Variants in RAPGEF5 observed in about 807,000 individuals in gnomAD.
RAPGEF5 encodes M-Ras-regulated GEF.
A neutral mutation model predicts 125.2 loss-of-function variants in RAPGEF5; 65 were observed. That is an observed-to-expected ratio of 0.52 (90% CI 0.43 to 0.64). RAPGEF5 has a LOEUF of 0.64. RAPGEF5 is among the 30% of genes least tolerant of loss of function. The pLI, the probability that RAPGEF5 is intolerant of heterozygous loss-of-function variation, is 0.00. For missense variants in RAPGEF5, 958 were observed against 1,048.1 expected (o/e 0.91, Z 1.19); for synonymous variants, 391 against 385.9 (o/e 1.01, Z -0.16).
intron 23 of RAPGEF5, among the ~76,000 whole-genome samples, chr7:22,133,457 C>T (rs1246781995): frequency 6.6e-6 from 1 of 152,122 alleles, no homozygotes; most frequent in Non-Finnish European, 1.5e-5. Flanking sequence ...GAGAAATGAG[C>T]AACTGCCAGG....
intron 1 of RAPGEF5, among the ~76,000 whole-genome samples, chr7:22,354,569 C>T (rs778758552): frequency 1.3e-5 from 2 of 152,126 alleles, no homozygotes; most frequent in Non-Finnish European, 2.9e-5. Flanking sequence ...ATGCCCCCTA[C>T]AAAATTCTTA....
At chr7:22,286,846 T>A (rs534837129) in intron 6 of RAPGEF5, among the ~76,000 whole-genome samples, 1 of 152,348 alleles carries the variant, frequency 6.6e-6, no homozygotes, top group South Asian at 2.1e-4. Flanking sequence ...AGAATTCATG[T>A]TTAAAAATAA....
intron 21 of RAPGEF5, among the ~76,000 whole-genome samples, chr7:22,137,595 T>G (rs1783117963): frequency 6.6e-6 from 1 of 152,212 alleles, no homozygotes; most frequent in Non-Finnish European, 1.5e-5. Flanking sequence ...TTAACATGGC[T>G]AAGTAAAAAA....
intron 6 of RAPGEF5, among the ~76,000 whole-genome samples, chr7:22,269,371 CTA>C (rs1158921125): frequency 6.6e-6 from 1 of 151,956 alleles, no homozygotes; most frequent in African/African-American, 2.4e-5. Context: ...TGACTAATGC[CTA>C]TATTTTGGCT....
chr7:22,269,769 T>C (rs1410985799), intron 6 of RAPGEF5, among the ~76,000 whole-genome samples: 2 of 152,200 alleles, frequency 1.3e-5, no homozygotes, highest in Non-Finnish European at 2.9e-5. Context: ...GGAAAAGAAA[T>C]GTCATACTCC....
At chr7:22,229,117 A>C (rs1256125069) in intron 8 of RAPGEF5, among the ~76,000 whole-genome samples, 1 of 152,222 alleles carries the variant, frequency 6.6e-6, no homozygotes, top group East Asian at 1.9e-4. Context: ...ACATCCCTTA[A>C]GGAAGAAGGG....
At chr7:22,178,364 T>C (rs573939333) in intron 11 of RAPGEF5, among the ~76,000 whole-genome samples, 1 of 152,316 alleles carries the variant, frequency 6.6e-6, no homozygotes, top group Non-Finnish European at 1.5e-5. Flanking sequence ...ATTCTGACAC[T>C]ACCTGGAGAT....
chr7:22,162,343 T>C, intron 13 of RAPGEF5, 54 bp downstream of exon 13: 1 of 1,497,526 alleles, frequency 6.7e-7, no homozygotes, highest in East Asian at 2.3e-5. Context: ...AATGCATAAC[T>C]AAAAATAGAA....
Position 22,119,996 on chromosome 7 carries a change from T to C in RAPGEF5, c.*2410A>G, listed in dbSNP as rs1268349851. The C allele has an allele frequency of 6.6e-6, 1 of 152,178 alleles. No individual in the cohort carries two copies. Among genetic ancestry groups the C allele is most frequent in the African/African-American group, 2.4e-5 (1 of 41,438 alleles). 9.4% of individuals were successfully genotyped at this position (152,178 alleles called of 1,614,324 possible). A position where few individuals can be genotyped will look rare whatever the true frequency, so the allele number is the denominator to read the frequency against. Reference sequence around the variant, plus strand: ...CGGGCTTGAATTCTTTAATTCCAGATCTAAGATTCTGCAAAGCTTTGGAAA... The same window carrying C: ...CGGGCTTGAATTCTTTAATTCCAGACCTAAGATTCTGCAAAGCTTTGGAAA... On this transcript the variant is annotated 3_prime_UTR_variant, in exon 26 of 26. Transcript: ENST00000665637. This position sits in a 1 kb window ranked among gnomAD's most constrained non-coding sequence, Gnocchi z 4.1.
intron 11 of RAPGEF5, among the ~76,000 whole-genome samples, chr7:22,181,747 C>T (rs554310585): frequency 6.6e-6 from 1 of 151,834 alleles, no homozygotes; most frequent in African/African-American, 2.4e-5. Flanking sequence ...AAGTACAAGG[C>T]AAAAAAGCTG....
chr7:22,285,839 C>A (rs1782784004), intron 6 of RAPGEF5, among the ~76,000 whole-genome samples: 1 of 152,106 alleles, frequency 6.6e-6, no homozygotes, highest in Non-Finnish European at 1.5e-5. Context: ...TAGAAAACAC[C>A]ACTAAATGCA....
rs139552934 is a variant in RAPGEF5 at position 22,336,684 on chromosome 7, G to A, written c.232-18647C>T. Among the ~76,000 whole-genome samples the A allele has an allele frequency of 2.6e-3, 399 of 152,258 alleles. 3 individuals carry two copies. The highest frequency in any genetic ancestry group is 8.8e-3 in the African/African-American group (367 of 41,554). On this transcript the variant is annotated intron_variant, in intron 1 of 25. Coordinates refer to ENST00000665637, the MANE Select transcript of RAPGEF5 (RefSeq NM_012294.5). ...AAGTTCGTGCCATTTGCAGTGGGGA[G>A]GAGCCTGGCCCCTCCTCTTCCTGGG...
At chr7:22,194,967 T>C (rs184138724) in intron 9 of RAPGEF5, among the ~76,000 whole-genome samples, 25 of 152,336 alleles carry the variant, frequency 1.6e-4, no homozygotes, top group Non-Finnish European at 5.9e-5. Context: ...AGAAAGGAAC[T>C]ATAAGATGCA....
At chr7:22,342,875 C>T (rs1784154738) in intron 1 of RAPGEF5, among the ~76,000 whole-genome samples, 1 of 152,236 alleles carries the variant, frequency 6.6e-6, no homozygotes, top group Non-Finnish European at 1.5e-5. Flanking sequence ...AAGTTCCAAA[C>T]TTTCCCAAAT....
chr7:22,262,913 C>T (rs773429711), intron 7 of RAPGEF5, among the ~76,000 whole-genome samples: 10 of 152,074 alleles, frequency 6.6e-5, no homozygotes, highest in African/African-American at 1.9e-4. Flanking sequence ...TGTAGTGAGC[C>T]GGTATCGTGC....
intron 5 of RAPGEF5, among the ~76,000 whole-genome samples, chr7:22,297,208 T>C (rs1214647122): frequency 1.3e-5 from 2 of 151,766 alleles, no homozygotes; most frequent in African/African-American, 4.8e-5. Context: ...AGGAAAAAAA[T>C]GAGATTTCAG....
intron 7 of RAPGEF5, among the ~76,000 whole-genome samples, chr7:22,264,034 T>C (rs1217288213): frequency 2.0e-5 from 3 of 152,224 alleles, no homozygotes; most frequent in African/African-American, 2.4e-5. Context: ...AAAATTACTA[T>C]ATTAATTCTC....
At chr7:22,124,778 G>C (rs1782685164) in intron 25 of RAPGEF5, among the ~76,000 whole-genome samples, 2 of 152,016 alleles carry the variant, frequency 1.3e-5, no homozygotes, top group South Asian at 2.1e-4. Context: ...ATTACCCTTT[G>C]TATCCACAGG....
chr7:22,194,521 ACT>A (rs1474758253), intron 9 of RAPGEF5: 1 of 894,958 alleles, frequency 1.1e-6, no homozygotes, highest in Non-Finnish European at 1.3e-6. Flanking sequence ...ATATTCATTT[ACT>A]TTACACCCTT....
Sources: gnomAD v4.1 joint callset for allele counts (sites outside exome capture counted in the v4.1 genomes callset) on GRCh38, gnomAD v4.1.1 for gene constraint, Gnocchi (gnomAD v3.1) non-coding constraint, MANE v1.5 for transcripts, NCBI Gene and HGNC (gene_info 2026-07-23, HGNC 2026-07-21) for gene names.